RSPH10B2: variants seen among roughly 807,000 people sequenced by gnomAD.
The protein encoded by RSPH10B2 is radial spoke head 10 homolog B2 (Chlamydomonas).
Under a neutral mutation model 49.0 loss-of-function variants are expected in RSPH10B2, and 9 were observed. The observed-to-expected ratio is 0.18, with a 90% confidence interval of 0.11 to 0.32. The LOEUF (loss-of-function observed/expected upper bound fraction) is 0.32. RSPH10B2 is among the 10% of genes least tolerant of loss of function. The pLI is 1.00. For synonymous variants in RSPH10B2, 35 were observed against 210.2 expected (o/e 0.17, Z 7.21); for missense variants, 95 against 589.9 (o/e 0.16, Z 8.69).
At chr7:6,791,411 T>C (rs1782322610) in intron 16 of RSPH10B2, among the ~76,000 whole-genome samples, 1 of 149,758 alleles carries the variant, frequency 6.7e-6, no homozygotes, top group African/African-American at 2.5e-5. Context: ...AATTCTGTTA[T>C]TCATTTCATT....
At chr7:6,756,271 AAAATAAAT>A (rs202239780), upstream of RSPH10B2, among the ~76,000 whole-genome samples, 3 of 120,448 alleles carry the variant, frequency 2.5e-5, no homozygotes, top group Admixed American at 1.7e-4. Flanking sequence ...CTCCGTCTCA[AAAATAAAT>A]AAATAAATAA....
intron 14 of RSPH10B2, among the ~76,000 whole-genome samples, chr7:6,786,454 A>G: frequency 9.0e-6 from 1 of 110,652 alleles, no homozygotes; most frequent in Non-Finnish European, 1.8e-5. Context: ...TCGGCCTCCC[A>G]AAGTGCTGGG....
intron 13 of RSPH10B2, among the ~76,000 whole-genome samples, chr7:6,782,513 A>G (rs1436204481): frequency 3.1e-5 from 4 of 128,350 alleles, no homozygotes; most frequent in Non-Finnish European, 3.2e-5. Flanking sequence ...CCTGTCCCAA[A>G]AAAATCCCCC....
chr7:6,768,195 A>G (rs1202875234), intron 6 of RSPH10B2, among the ~76,000 whole-genome samples: 1 of 151,042 alleles, frequency 6.6e-6, no homozygotes, highest in Non-Finnish European at 1.5e-5. Context: ...AAATAAAAAT[A>G]TATAAAAGCA....
rs182907317 is a variant in RSPH10B2, at chr7:6,763,456, T to C, written c.400-472T>C. On this transcript the variant is annotated intron_variant, in intron 3 of 18. Transcript: ENST00000297186. ...TCTGTCTCAAAAATAAAAACAAAAA[T>C]AAAATCTTTTTCTAGAGACAGGGTC... Among the ~76,000 whole-genome samples, 16 of 120,394 alleles carry C rather than the reference T, an allele frequency of 1.3e-4. 1 individual carries two copies. The highest frequency in any genetic ancestry group is 3.0e-4 in the African/African-American group (9 of 30,350). The allele number at this position is 120,394 out of a possible 152,430, so 79.0% of individuals were successfully genotyped here.
At chr7:6,791,736 T>C (rs1782343032) in intron 16 of RSPH10B2, among the ~76,000 whole-genome samples, 168 bp from the exon 19 acceptor site, 2 of 104,452 alleles carry the variant, frequency 1.9e-5, no homozygotes, top group Admixed American at 1.1e-4. Context: ...AGAGCAAGAC[T>C]CTGTCTCAAA....
chr7:6,756,143 G>A (rs1317408584), upstream of RSPH10B2, among the ~76,000 whole-genome samples: 3 of 146,392 alleles, frequency 2.0e-5, no homozygotes, highest in Admixed American at 1.4e-4. Context: ...GGTGGTGGGT[G>A]CCTGTAGTCC....
intron 8 of RSPH10B2, among the ~76,000 whole-genome samples, chr7:6,772,036 AGAAAT>A: frequency 7.1e-6 from 1 of 141,310 alleles, no homozygotes; most frequent in East Asian, 2.0e-4. Flanking sequence ...AAAAAAAAAA[AGAAAT>A]AAAATTCATC....
chr7:6,756,065 G>A (rs1485290643), upstream of RSPH10B2, among the ~76,000 whole-genome samples: 4 of 150,784 alleles, frequency 2.7e-5, no homozygotes, highest in South Asian at 2.1e-4. Context: ...TCAGGAGATC[G>A]AGACCATCCT....
intron 11 of RSPH10B2, among the ~76,000 whole-genome samples, chr7:6,780,065 C>A (rs1410475980): frequency 8.7e-6 from 1 of 115,344 alleles, no homozygotes; most frequent in East Asian, 3.2e-4. Context: ...TCAGGTGATC[C>A]ACCTGCCTCA....
chr7:6,769,499 T>C (rs2115427277), intron 7 of RSPH10B2, among the ~76,000 whole-genome samples: 1 of 56,958 alleles, frequency 1.8e-5, no homozygotes, highest in African/African-American at 9.3e-5. Context: ...TACAGAACTC[T>C]TTTTGACAAA....
At chr7:6,756,271 A>AAAATAAAT (rs202239780), upstream of RSPH10B2, among the ~76,000 whole-genome samples, 86 of 120,480 alleles carry the variant, frequency 7.1e-4, 1 homozygote, top group Middle Eastern at 3.8e-3. Flanking sequence ...CTCCGTCTCA[A>AAAATAAAT]AAATAAATAA....
chr7:6,761,642 G>C, intron 3 of RSPH10B2: 1 of 153,498 alleles, frequency 6.5e-6, no homozygotes, highest in Non-Finnish European at 1.4e-5. Flanking sequence ...GCGGGATCTC[G>C]GCTCACTGCA....
chr7:6,769,943 GGTGTGTGTGTACGT>G (rs1464163078), intron 7 of RSPH10B2, among the ~76,000 whole-genome samples: 2 of 36,382 alleles, frequency 5.5e-5, no homozygotes, highest in Non-Finnish European at 1.1e-4. Context: ...ATCAGTGTTT[GGTGTGTGTGTACGT>G]GTGTGTGTGT....
At chr7:6,756,051 G>A (rs1201925576), upstream of RSPH10B2, among the ~76,000 whole-genome samples, 17 of 150,590 alleles carry the variant, frequency 1.1e-4, no homozygotes, top group Admixed American at 5.9e-4. Flanking sequence ...GGCAGATCAC[G>A]AGGTCAGGAG....
chr7:6,785,826 CA>C, intron 13 of RSPH10B2, 122 bp from the exon 16 acceptor site: 163 of 1,037,256 alleles, frequency 1.6e-4, no homozygotes, highest in Non-Finnish European at 1.9e-4. Context: ...CTCCGTCTCT[CA>C]AAAAAAAGAA....
At chr7:6,783,923 G>A (rs1384555794) in intron 13 of RSPH10B2, among the ~76,000 whole-genome samples, 4 of 137,216 alleles carry the variant, frequency 2.9e-5, no homozygotes, top group East Asian at 4.1e-4. Context: ...TGCAACCTCC[G>A]CCTCCCGGGT....
In RSPH10B2 at chr7:6,781,434, C is replaced by T. The variant is rs554848913; in HGVS notation, c.1716C>T (p.His572=). 2.2e-5 allele frequency: 29 copies of T among 1,290,144 alleles called. 8 individuals carry two copies. The highest frequency in any genetic ancestry group is 1.4e-4 in the South Asian group (7 of 50,766). 79.9% of individuals were successfully genotyped at this position (1,290,144 alleles called of 1,614,324 possible). A position where few individuals can be genotyped will look rare whatever the true frequency, so the allele number is the denominator to read the frequency against. Residue 572 remains histidine (H), a synonymous_variant, in exon 13 of 19, where the codon CAC becomes CAT. Transcript: ENST00000297186. Reference sequence around the variant, plus strand: ...GCAGACCCAGTGCAGCGCCTCCCCACGAGCCTACGATGAAGATGAGACACT... The same window carrying T: ...GCAGACCCAGTGCAGCGCCTCCCCATGAGCCTACGATGAAGATGAGACACT...
intron 13 of RSPH10B2, among the ~76,000 whole-genome samples, chr7:6,784,834 G>A (rs1357233312): frequency 2.0e-5 from 2 of 101,108 alleles, no homozygotes; most frequent in Admixed American, 1.1e-4. Flanking sequence ...CCAAAGTGCT[G>A]GGATTACAGG....
Sources: allele counts gnomAD v4.1 joint callset (sites outside exome capture counted in the v4.1 genomes callset), GRCh38; gene constraint gnomAD v4.1.1; transcripts MANE v1.5; gene names NCBI Gene and HGNC (gene_info 2026-07-23, HGNC 2026-07-21).